NRAP: variants seen among roughly 807,000 people sequenced by gnomAD.
NRAP encodes the protein nebulin related anchoring protein, also known as nebulin-related-anchoring protein.
In NRAP, 189 loss-of-function variants were observed where a neutral mutation model predicts 225.9. That is an observed-to-expected ratio of 0.84 (90% CI 0.74 to 0.94). The LOEUF is 0.94. NRAP is among the 40% of genes least tolerant of loss of function. The pLI is 0.00. For synonymous variants in NRAP, 769 were observed against 790.7 expected (o/e 0.97, Z 0.46); for missense variants, 2,176 against 2,168.7 (o/e 1.00, Z -0.07).
rs974429361 is a variant in NRAP at position 113,597,083 on chromosome 10, C to G, written c.4431+3G>C. The G allele has an allele frequency of 6.2e-7, 1 of 1,600,140 alleles. No homozygotes were observed. On this transcript the variant is annotated splice_donor_region_variant and intron_variant, in intron 37 of 41. Transcript: ENST00000359988. ...CCGGGATGAATGACAAGAAAGGACC[C>G]ACCTCATTGCAGTGCATATAGCTGT...
At chr10:113,655,710 A>G (rs868357785) in intron 4 of NRAP, among the ~76,000 whole-genome samples, 2 of 152,130 alleles carry the variant, frequency 1.3e-5, no homozygotes, top group African/African-American at 4.8e-5. Context: ...TTGGCCTCCC[A>G]AAGTGCTAGG....
chr10:113,598,114 T>C lies in NRAP; in HGVS notation c.4228-41A>G, dbSNP rs369151224. The stretch of plus-strand genomic sequence containing the variant: ...TCATGGGCTTTATCAGGAGAGTGCT[T>C]AAGACTAGTACAGCATTTCAAGAAG... On this transcript the variant is annotated intron_variant, in intron 35 of 41. Transcript: ENST00000359988. 7 of 1,163,984 alleles carry C rather than the reference T, an allele frequency of 6.0e-6. No homozygotes were observed. In the African/African-American group the frequency reaches 9.1e-5, roughly 15 times the overall value. 72.1% of individuals were successfully genotyped at this position (1,163,984 alleles called of 1,614,324 possible).
rs567483001 is a variant in NRAP at position 113,594,903 on chromosome 10, G to T, written c.4536+720C>A. 9.6e-4 allele frequency among the ~76,000 whole-genome samples: 146 copies of T among 152,308 alleles called. 1 individual carries two copies. Among genetic ancestry groups the T allele is most frequent in the Admixed American group, 1.6e-3 (25 of 15,304 alleles). On this transcript the variant is annotated intron_variant, in intron 38 of 41. Coordinates refer to ENST00000359988, the MANE Select transcript of NRAP (RefSeq NM_198060.4). ...GCCGGACTCTGGGAGGCCCTACGCT[G>T]CCCCAGGCCAACACACTCAGCCTGT...
At position 113,631,589 on chromosome 10, in the gene NRAP, C is replaced by T; in HGVS notation, c.1762G>A (p.Glu588Lys). ...ASNIKYKEEY[E>K]KTKGKAMGTA... ...CCCATGGCTTTGCCTTTTGTCTTTTCATATTCTTCTTTATATTTAATCTTG... is the reference window on the plus strand; with the variant it reads ...CCCATGGCTTTGCCTTTTGTCTTTTTATATTCTTCTTTATATTTAATCTTG... Residue 588 changes from glutamate to lysine, a missense_variant, in exon 18 of 42, where the codon GAA becomes AAA. Glu to Lys is a moderately conservative substitution (Grantham distance 56). This residue lies in a region of NRAP where 1,708 missense variants were observed against 1,695.5 expected (regional missense o/e 1.01). Coordinates refer to ENST00000359988, the MANE Select transcript of NRAP (RefSeq NM_198060.4). The T allele has an allele frequency of 6.2e-7, 1 of 1,609,172 alleles. No homozygotes were observed. Among genetic ancestry groups the T allele is most frequent in the East Asian group, 2.2e-5 (1 of 44,848 alleles).
At chr10:113,638,583 G>T (rs1053908968) in intron 14 of NRAP, among the ~76,000 whole-genome samples, 1 of 152,170 alleles carries the variant, frequency 6.6e-6, no homozygotes, top group Non-Finnish European at 1.5e-5. Context: ...AACCAGGAAG[G>T]TAAGCTAAAG....
chr10:113,639,623 T>A (rs1849082542), intron 14 of NRAP, among the ~76,000 whole-genome samples: 1 of 152,236 alleles, frequency 6.6e-6, no homozygotes, highest in Non-Finnish European at 1.5e-5. Flanking sequence ...TTTGCACTTT[T>A]CCGTATTTTC....
At chr10:113,650,199 A>G (rs902217802) in intron 8 of NRAP, 58 bp from the exon 9 acceptor site, 3 of 1,081,574 alleles carry the variant, frequency 2.8e-6, no homozygotes, top group African/African-American at 1.5e-5. Context: ...AGGAGCCAAA[A>G]GAGTAAAAGT....
At chr10:113,614,141 G>T in intron 29 of NRAP, 42 bp downstream of exon 29, 2 of 1,322,274 alleles carry the variant, frequency 1.5e-6, no homozygotes, top group Non-Finnish European at 1.1e-6. Flanking sequence ...AGCGTTGTCA[G>T]GTGGGGGCCC....
At chr10:113,638,616 T>G (rs890726000) in intron 14 of NRAP, among the ~76,000 whole-genome samples, 7 of 152,204 alleles carry the variant, frequency 4.6e-5, no homozygotes, top group African/African-American at 1.7e-4. Context: ...CAGAGAGCAG[T>G]CACCACCCAG....
In NRAP at chr10:113,640,347, A is replaced by G. The variant is rs766191887; in HGVS notation, c.1324-16T>C. 5.0e-6 allele frequency: 7 copies of G among 1,396,766 alleles called. No homozygotes were observed. The highest frequency in any genetic ancestry group is 6.9e-6 in the Non-Finnish European group (7 of 1,011,530). 86.5% of individuals were successfully genotyped at this position (1,396,766 alleles called of 1,614,324 possible). A position where few individuals can be genotyped will look rare whatever the true frequency, so the allele number is the denominator to read the frequency against. ...TGTAGGCAACCTAAAACAGGAAGAA[A>G]AGAAGAAGAATGGAGAAATCAATTT... On this transcript the variant is annotated splice_polypyrimidine_tract_variant and intron_variant, in intron 13 of 41. Transcript: ENST00000359988.
intron 32 of NRAP, among the ~76,000 whole-genome samples, chr10:113,606,779 G>A (rs939056696): frequency 6.6e-6 from 1 of 152,166 alleles, no homozygotes; most frequent in Non-Finnish European, 1.5e-5. Flanking sequence ...TTAGAAATGG[G>A]TCTATGAGCC....
At chr10:113,651,392 T>G (rs759556757) in intron 7 of NRAP, among the ~76,000 whole-genome samples, 1 of 152,192 alleles carries the variant, frequency 6.6e-6, no homozygotes, top group African/African-American at 2.4e-5. Context: ...GTTTGTTACG[T>G]AGGTAAATGT....
At chr10:113,615,032 T>A in intron 27 of NRAP, 86 bp from the exon 28 acceptor site, 1 of 833,206 alleles carries the variant, frequency 1.2e-6, no homozygotes, top group Non-Finnish European at 2.1e-6. Context: ...CAATCTGGTT[T>A]GTGGTGGGTC....
chr10:113,621,516 G>A (rs2133982186), intron 24 of NRAP, among the ~76,000 whole-genome samples: 2 of 152,256 alleles, frequency 1.3e-5, no homozygotes, highest in African/African-American at 2.4e-5. Context: ...GACTATCAAA[G>A]TCGGGGTGAG....
In NRAP at chr10:113,610,447, A is replaced by G. The variant is rs774483183; in HGVS notation, c.3603+12T>C. 1 of 1,258,048 alleles carries G rather than the reference A, an allele frequency of 7.9e-7. No individual in the cohort carries two copies. The highest frequency in any genetic ancestry group is 1.2e-5 in the South Asian group (1 of 84,312). 77.9% of individuals were successfully genotyped at this position (1,258,048 alleles called of 1,614,324 possible). A position where few individuals can be genotyped will look rare whatever the true frequency, so the allele number is the denominator to read the frequency against. On this transcript the variant is annotated intron_variant, in intron 31 of 41. Coordinates refer to ENST00000359988, the MANE Select transcript of NRAP (RefSeq NM_198060.4). ...AATGTCCTGGACACTCAACACCAGC[A>G]TCTGTAGTTACCTCACTGATGAGTT...
intron 3 of NRAP, among the ~76,000 whole-genome samples, chr10:113,658,881 C>CAAAAAAAA (rs57340533): frequency 9.0e-5 from 7 of 78,084 alleles, no homozygotes; most frequent in Admixed American, 3.0e-4. Context: ...GACCCTGTCT[C>CAAAAAAAA]AAAAAAAAAA....
chr10:113,657,512 C>G lies in NRAP; in HGVS notation c.318G>C (p.Lys106Asn). 6.2e-7 allele frequency: 1 copy of G among 1,608,928 alleles called. No individual in the cohort carries two copies. Among genetic ancestry groups the G allele is most frequent in the Non-Finnish European group, 8.5e-7 (1 of 1,175,340 alleles). Reference sequence around the variant, plus strand: ...GCCTGTTAGGTGCACCTTCCTTATCCTTGGATTTCATGTCCCAGTGAAAAA... The same window carrying G: ...GCCTGTTAGGTGCACCTTCCTTATCGTTGGATTTCATGTCCCAGTGAAAAA... Reference protein sequence around the residue: ...KSVFHWDMKSKDKEGAPNRQP... With the variant: ...KSVFHWDMKSNDKEGAPNRQP... Residue 106 changes from lysine to asparagine, a missense_variant, in exon 4 of 42, where the codon AAG becomes AAC. Lys to Asn is a moderately conservative substitution (Grantham distance 94). Coordinates refer to ENST00000359988, the MANE Select transcript of NRAP (RefSeq NM_198060.4).
chr10:113,603,092 T>C (rs1414955113), intron 35 of NRAP, among the ~76,000 whole-genome samples: 3 of 152,230 alleles, frequency 2.0e-5, no homozygotes, highest in African/African-American at 7.2e-5. Flanking sequence ...GAGCACCTTC[T>C]TCCTAGGGAT....
intron 37 of NRAP, among the ~76,000 whole-genome samples, chr10:113,595,973 C>G (rs796490270): frequency 6.6e-6 from 1 of 152,150 alleles, no homozygotes; most frequent in Non-Finnish European, 1.5e-5. Flanking sequence ...AGATCTGCTC[C>G]AAATAAGCCA....
Sources: allele counts gnomAD v4.1 joint callset (sites outside exome capture counted in the v4.1 genomes callset), GRCh38; gene constraint gnomAD v4.1.1; regional missense constraint gnomAD v4.1.1; transcripts MANE v1.5; gene names NCBI Gene and HGNC (gene_info 2026-07-23, HGNC 2026-07-21).